The following TAFA1 variants were observed in gnomAD, a reference collection of about 807,000 sequenced individuals.
The protein encoded by TAFA1 is chemokine-like protein TAFA-1.
TAFA1 carries 4 observed loss-of-function variants against 18.5 expected under a neutral mutation model. The ratio of observed to expected loss-of-function variants is 0.22; its 90% confidence interval spans 0.11 to 0.49. TAFA1 has a LOEUF of 0.49. TAFA1 is among the 20% of genes least tolerant of loss of function. The pLI is 0.98. For missense variants in TAFA1, 147 were observed against 169.0 expected (o/e 0.87, Z 0.72); for synonymous variants, 56 against 55.2 (o/e 1.01, Z -0.06).
At chr3:68,493,612 G>T (rs986398908) in intron 3 of TAFA1, among the ~76,000 whole-genome samples, 6 of 152,128 alleles carry the variant, frequency 3.9e-5, no homozygotes, top group African/African-American at 1.4e-4. Flanking sequence ...AGTGAACAAG[G>T]GTTTCAATTT....
chr3:68,086,041 A>G (rs1338407351), intron 2 of TAFA1, among the ~76,000 whole-genome samples: 3 of 152,154 alleles, frequency 2.0e-5, no homozygotes, highest in African/African-American at 4.8e-5. Context: ...GCCCTGAAGG[A>G]ATTGTCTCTG....
intron 3 of TAFA1, among the ~76,000 whole-genome samples, chr3:68,444,426 G>T (rs1249635882): frequency 6.6e-6 from 1 of 152,066 alleles, no homozygotes; most frequent in African/African-American, 2.4e-5. Context: ...TTGTCCAGGT[G>T]AAGTCACAAT....
intron 2 of TAFA1, among the ~76,000 whole-genome samples, chr3:68,072,548 A>G (rs78205105): frequency 0.011 from 1,683 of 152,284 alleles, 35 homozygotes; most frequent in African/African-American, 0.038. Context: ...AAGAGATAGA[A>G]CAAGGATAGA....
intron 2 of TAFA1, among the ~76,000 whole-genome samples, chr3:68,396,410 G>A (rs116365801): frequency 6.6e-6 from 1 of 152,012 alleles, no homozygotes; most frequent in African/African-American, 2.4e-5. Flanking sequence ...GGTAGCTACT[G>A]TCCCAACTTC....
intron 2 of TAFA1, among the ~76,000 whole-genome samples, chr3:68,316,921 C>T (rs547137408): frequency 6.6e-6 from 1 of 152,104 alleles, no homozygotes. Context: ...ACAAAAATAG[C>T]CCAATGCCTC....
At chr3:68,519,473 G>GT (rs1298874545) in intron 3 of TAFA1, among the ~76,000 whole-genome samples, 1 of 152,198 alleles carries the variant, frequency 6.6e-6, no homozygotes, top group African/African-American at 2.4e-5. Flanking sequence ...TTACCTCATA[G>GT]TTTTGTATCA....
intron 3 of TAFA1, among the ~76,000 whole-genome samples, chr3:68,502,550 C>T (rs1170032344): frequency 1.3e-5 from 2 of 152,040 alleles, no homozygotes; most frequent in Non-Finnish European, 2.9e-5. Flanking sequence ...TAATCACAGA[C>T]AATAGACACC....
chr3:68,110,182 A>G (rs748513355), intron 2 of TAFA1, among the ~76,000 whole-genome samples: 3 of 151,998 alleles, frequency 2.0e-5, no homozygotes, highest in Admixed American at 6.6e-5. Flanking sequence ...CCATGTGTCC[A>G]TGTGTTCTCA....
intron 2 of TAFA1, among the ~76,000 whole-genome samples, chr3:68,111,940 AC>A (rs2106838348): frequency 6.6e-6 from 1 of 152,282 alleles, no homozygotes; most frequent in African/African-American, 2.4e-5. Context: ...TAGTTATTTC[AC>A]TAAAAGAATA....
the TAFA1 span, among the ~76,000 whole-genome samples, chr3:67,994,022 A>G: frequency 7.2e-5 from 11 of 152,132 alleles, no homozygotes; most frequent in African/African-American, 2.7e-4. Context: ...GTTGGGGGTG[A>G]GCTGTGTGAT....
chr3:68,421,021 T>C (rs1320412456), intron 3 of TAFA1, among the ~76,000 whole-genome samples: 1 of 152,212 alleles, frequency 6.6e-6, no homozygotes, highest in Non-Finnish European at 1.5e-5. Flanking sequence ...TAAATCTTCA[T>C]TTTGTTTCCA....
At chr3:68,174,121 C>A (rs1170877067) in intron 2 of TAFA1, among the ~76,000 whole-genome samples, 1 of 152,140 alleles carries the variant, frequency 6.6e-6, no homozygotes, top group African/African-American at 2.4e-5. Context: ...GAATCAAAAT[C>A]TGAATTTTAA....
At position 68,501,156 on chromosome 3, in the gene TAFA1, A is replaced by G. The variant is rs1208164147; in HGVS notation, c.260-37600A>G. 2.3e-3 allele frequency among the ~76,000 whole-genome samples: 78 copies of G among 33,392 alleles called. 1 individual carries two copies. The highest frequency in any genetic ancestry group is 0.018 in the Admixed American group (64 of 3,562). 21.9% of individuals were successfully genotyped at this position (33,392 alleles called of 152,430 possible). A position where few individuals can be genotyped will look rare whatever the true frequency, so the allele number is the denominator to read the frequency against. ...TGTAGCAGAGTGAGACCCTGTCTGA[A>G]AAAAAAAAAAAAAAAAAAAGGGAAA... is the stretch of plus-strand genomic sequence containing the variant. On this transcript the variant is annotated intron_variant, in intron 3 of 4. Transcript: ENST00000478136.
chr3:68,428,826 C>G (rs765304169), intron 3 of TAFA1, among the ~76,000 whole-genome samples: 13 of 151,890 alleles, frequency 8.6e-5, no homozygotes, highest in Admixed American at 2.0e-4. Context: ...TTAGAGTGAC[C>G]TGTACATGCT....
intron 2 of TAFA1, among the ~76,000 whole-genome samples, chr3:68,093,765 A>G (rs2065055400): frequency 8.9e-6 from 1 of 111,818 alleles, no homozygotes. Flanking sequence ...TTGGCTACCA[A>G]AGTTGGATAA....
At chr3:68,423,136 T>C (rs1300037900) in intron 3 of TAFA1, among the ~76,000 whole-genome samples, 1 of 152,038 alleles carries the variant, frequency 6.6e-6, no homozygotes, top group Admixed American at 6.6e-5. Context: ...ATGAAAATAG[T>C]ATCGATCTCA....
chr3:68,536,623 TA>T (rs1349155660), intron 3 of TAFA1, among the ~76,000 whole-genome samples: 1 of 152,202 alleles, frequency 6.6e-6, no homozygotes, highest in Non-Finnish European at 1.5e-5. Context: ...GGTGCTTGTG[TA>T]GAAATCATTT....
chr3:68,017,911 A>G (rs1704601911), intron 2 of TAFA1, among the ~76,000 whole-genome samples: 1 of 152,192 alleles, frequency 6.6e-6, no homozygotes, highest in Non-Finnish European at 1.5e-5. Context: ...AAGATTTGGG[A>G]AGCCCTCATG....
chr3:68,298,892 G>C (rs1008993921), intron 2 of TAFA1, among the ~76,000 whole-genome samples: 2 of 152,128 alleles, frequency 1.3e-5, no homozygotes, highest in African/African-American at 4.8e-5. Context: ...ACAGTAAATT[G>C]GTACCTAGGT....
Sources: allele counts gnomAD v4.1 joint callset (sites outside exome capture counted in the v4.1 genomes callset), GRCh38; gene constraint gnomAD v4.1.1; transcripts MANE v1.5; gene names NCBI Gene and HGNC (gene_info 2026-07-23, HGNC 2026-07-21).